The following GCC2 variants were observed in gnomAD, a reference collection of about 807,000 sequenced individuals.
GCC2 encodes the protein GRIP and coiled-coil domain containing 2.
Under a neutral mutation model 210.6 loss-of-function variants are expected in GCC2, and 120 were observed. That is an observed-to-expected ratio of 0.57 (90% CI 0.49 to 0.66). The LOEUF is 0.66. Among genes scored for constraint, GCC2 ranks in the 30% least tolerant of loss-of-function variants. GCC2 has a pLI of 0.00. For synonymous variants in GCC2, 703 were observed against 652.7 expected, an observed-to-expected ratio of 1.08 and a Z score of -1.17; for missense variants, 1,868 against 1,871.9, an observed-to-expected ratio of 1.00 and a Z score of 0.04.
intron 4 of GCC2, among the ~76,000 whole-genome samples, chr2:108,454,010 A>T (rs758941182): frequency 1.3e-5 from 2 of 152,046 alleles, no homozygotes; most frequent in African/African-American, 2.4e-5. Flanking sequence ...ATTTATTTTG[A>T]GACAGAGTCT....
chr2:108,480,579 T>A (rs1413887094), intron 9 of GCC2, among the ~76,000 whole-genome samples: 1 of 152,006 alleles, frequency 6.6e-6, no homozygotes, highest in Non-Finnish European at 1.5e-5. Flanking sequence ...ATAAAAAAAA[T>A]ATGAGATTAT....
At chr2:108,476,368 C>T (rs1027436840) in intron 9 of GCC2, among the ~76,000 whole-genome samples, 1 of 151,940 alleles carries the variant, frequency 6.6e-6, no homozygotes, top group African/African-American at 2.4e-5. Context: ...TAAATAGTGC[C>T]TTTAAATTGT....
rs1438277120 is a variant in GCC2 at position 108,495,411 on chromosome 2, C to G, written c.4568C>G (p.Thr1523Arg). The G allele has an allele frequency of 3.1e-6, 5 of 1,589,416 alleles. No homozygotes were observed. In the Admixed American group the frequency reaches 6.7e-5, roughly 21 times the overall value. The change falls in exon 20 of 23, where the codon ACG becomes AGG. Residue 1523 changes from threonine to arginine, a missense_variant. By Grantham distance (71) the Thr-to-Arg change is moderately conservative (BLOSUM62 -1). Transcript: ENST00000309863. ...GGAGAAGGCATGGAGACAACTGATA[C>G]GGAGTCTGTGTCTTCCGCCAGCACA... Reference protein sequence around the residue: ...EEGEGMETTDTESVSSASTYT... With the variant: ...EEGEGMETTDRESVSSASTYT...
At chr2:108,504,753 A>G (rs1683102776) in intron 22 of GCC2, among the ~76,000 whole-genome samples, 1 of 152,162 alleles carries the variant, frequency 6.6e-6, no homozygotes, top group South Asian at 2.1e-4. Context: ...CAGGAAGTAA[A>G]AGTCATTTTT....
intron 4 of GCC2, among the ~76,000 whole-genome samples, chr2:108,467,271 C>A (rs1680951469): frequency 6.6e-6 from 1 of 152,108 alleles, no homozygotes; most frequent in Non-Finnish European, 1.5e-5. Flanking sequence ...TTCTTTGATA[C>A]CATTGTAAAT....
intron 19 of GCC2, chr2:108,494,996 G>A (rs993096800): frequency 1.0e-4 from 18 of 174,048 alleles, no homozygotes; most frequent in Admixed American, 2.4e-4. Flanking sequence ...ATTTTTAGTA[G>A]AGATAGGGTT....
intron 4 of GCC2, among the ~76,000 whole-genome samples, chr2:108,463,563 T>C (rs1680715657): frequency 6.6e-6 from 1 of 152,172 alleles, no homozygotes; most frequent in African/African-American, 2.4e-5. Context: ...GAATGCCAAG[T>C]AGGCCAGTCT....
chr2:108,481,448 T>C (rs1450940014), intron 9 of GCC2, among the ~76,000 whole-genome samples: 1 of 152,238 alleles, frequency 6.6e-6, no homozygotes, highest in African/African-American at 2.4e-5. Flanking sequence ...TATTTAACCT[T>C]GGAGCTATTA....
intron 11 of GCC2, 61 bp downstream of exon 11, chr2:108,482,512 T>A: frequency 2.5e-6 from 2 of 793,638 alleles, no homozygotes; most frequent in Non-Finnish European, 4.2e-6. Context: ...AAATATTATT[T>A]AAATGAAGGG....
chr2:108,457,102 T>C (rs915341632), intron 4 of GCC2, among the ~76,000 whole-genome samples: 10 of 150,134 alleles, frequency 6.7e-5, no homozygotes, highest in Non-Finnish European at 1.2e-4. Flanking sequence ...CTTTTAGTTT[T>C]ACACTTTTGG....
At chr2:108,499,227 C>T (rs1372607499) in intron 21 of GCC2, among the ~76,000 whole-genome samples, 2 of 152,048 alleles carry the variant, frequency 1.3e-5, no homozygotes, top group African/African-American at 4.8e-5. Flanking sequence ...TTCCTTCCAA[C>T]CCCAAATAGC....
chr2:108,508,851 C>T lies in GCC2; in HGVS notation c.*1221C>T, dbSNP rs2378162. 2.0e-5 allele frequency: 3 copies of T among 152,784 alleles called. No homozygotes were observed. Among genetic ancestry groups the T allele is most frequent in the African/African-American group, 4.8e-5 (2 of 41,586 alleles). 9.5% of individuals were successfully genotyped at this position (152,784 alleles called of 1,614,324 possible). On this transcript the variant is annotated 3_prime_UTR_variant, in exon 23 of 23. Coordinates refer to ENST00000309863, the MANE Select transcript of GCC2 (RefSeq NM_181453.4). Reference sequence around the variant, plus strand: ...TTGTAATATTTATGTGTTAATCACACAGTATGCTCTCTGAAGTTCTCTTAA... The same window carrying T: ...TTGTAATATTTATGTGTTAATCACATAGTATGCTCTCTGAAGTTCTCTTAA...
intron 4 of GCC2, among the ~76,000 whole-genome samples, chr2:108,459,735 CCTT>C (rs1216394395): frequency 1.7e-5 from 1 of 59,416 alleles, no homozygotes; most frequent in African/African-American, 5.4e-5. Context: ...TAGATAATGA[CCTT>C]CTTTGTCTTT....
At position 108,464,282 on chromosome 2, in the gene GCC2, G is replaced by C. The variant is rs538726871; in HGVS notation, c.217-4698G>C. Among the ~76,000 whole-genome samples, 42 of 152,298 alleles carry C rather than the reference G, an allele frequency of 2.8e-4. 1 individual carries two copies. In the South Asian group the frequency reaches 7.9e-3, roughly 29 times the overall value. ...TGCAGGCAGTGGAATTTGTCCTCAGGGTTCATGAGAATGCTCAGCCACCCC... is the reference window on the plus strand; with the variant it reads ...TGCAGGCAGTGGAATTTGTCCTCAGCGTTCATGAGAATGCTCAGCCACCCC... On this transcript the variant is annotated intron_variant, in intron 4 of 22. Transcript: ENST00000309863.
chr2:108,461,830 C>CT (rs1313525353), intron 4 of GCC2, among the ~76,000 whole-genome samples: 7 of 124,124 alleles, frequency 5.6e-5, no homozygotes, highest in African/African-American at 1.3e-4. Context: ...TTTTTTTTTT[C>CT]TTTTTCTTTT....
rs1306024671 is a variant in GCC2 at position 108,485,719 on chromosome 2, G to A, written c.3697G>A (p.Ala1233Thr). Residue 1233 changes from alanine to threonine, a missense_variant, in exon 14 of 23, where the codon GCA (alanine) becomes ACA (threonine). Physicochemically the swap from Ala to Thr is moderately conservative, Grantham distance 58. Transcript: ENST00000309863. ...GCTTGTGAAAACCAAAAAGGAACTG[G>A]CAGATTCAAAGCAAGCAGTATGTTA... is the stretch of plus-strand genomic sequence containing the variant. ...QLLVKTKKEL[A>T]DSKQAETDHL... The A allele has an allele frequency of 1.3e-6, 2 of 1,589,200 alleles. No individual in the cohort carries two copies. The highest frequency in any genetic ancestry group is 1.7e-6 in the Non-Finnish European group (2 of 1,168,632).
chr2:108,459,474 T>C (rs1391488418), intron 4 of GCC2, among the ~76,000 whole-genome samples: 1 of 152,204 alleles, frequency 6.6e-6, no homozygotes, highest in East Asian at 1.9e-4. Context: ...TTGGATAAAA[T>C]GTTCTACAAA....
chr2:108,485,348 T>G (rs560748414), intron 13 of GCC2, among the ~76,000 whole-genome samples: 1 of 151,044 alleles, frequency 6.6e-6, no homozygotes, highest in African/African-American at 2.4e-5. Flanking sequence ...AAAAAAAAGA[T>G]GTTTGTAGTC....
intron 7 of GCC2, among the ~76,000 whole-genome samples, chr2:108,473,596 T>G (rs1482270780): frequency 6.6e-6 from 1 of 152,126 alleles, no homozygotes; most frequent in Non-Finnish European, 1.5e-5. Flanking sequence ...CATATAAGAA[T>G]CAGGAAACGA....
Sources: allele counts gnomAD v4.1 joint callset (sites outside exome capture counted in the v4.1 genomes callset), GRCh38; gene constraint gnomAD v4.1.1; transcripts MANE v1.5; gene names NCBI Gene and HGNC (gene_info 2026-07-23, HGNC 2026-07-21).